Variants in DRD2 observed in about 807,000 individuals in gnomAD.
The protein encoded by DRD2 is dopamine receptor D2.
A neutral mutation model predicts 38.0 loss-of-function variants in DRD2; 8 were observed. The observed-to-expected ratio is 0.21, with a 90% CI of 0.12 to 0.38. The LOEUF (loss-of-function observed/expected upper bound fraction) is 0.38. Ranked by LOEUF, DRD2 falls within the 10% of genes least tolerant of loss-of-function variation. The pLI is 1.00. For synonymous variants in DRD2, 230 were observed against 238.6 expected (o/e 0.96, Z 0.33); for missense variants, 403 against 607.7 (o/e 0.66, Z 3.54).
chr11:113,418,127 C>T lies in DRD2; in HGVS notation c.295G>A (p.Glu99Lys), dbSNP rs199765712. Reference sequence around the variant, plus strand: ...CAGTGAATCCTGCTGAATTTCCACTCACCTACCACCTGGGGACAAAGCAAC... The same window carrying T: ...CAGTGAATCCTGCTGAATTTCCACTTACCTACCACCTGGGGACAAAGCAAC... ...PWVVYLEVVG[E>K]WKFSRIHCDI... Residue 99 changes from glutamate to lysine, a missense_variant, in exon 3 of 8, where the codon GAG becomes AAG. Physicochemically the swap from Glu to Lys is moderately conservative, Grantham distance 56 (BLOSUM62 1). Transcript: ENST00000362072. 53 of 1,613,986 alleles carry T rather than the reference C, an allele frequency of 3.3e-5. No homozygotes were observed. The highest frequency in any genetic ancestry group is 5.0e-5 in the Admixed American group (3 of 60,024).
intron 3 of DRD2, among the ~76,000 whole-genome samples, chr11:113,417,274 T>C (rs1950836909): frequency 6.6e-6 from 1 of 152,210 alleles, no homozygotes; most frequent in Non-Finnish European, 1.5e-5. Flanking sequence ...ATTTCAGGCT[T>C]TTCGAAGAAC....
intron 1 of DRD2, among the ~76,000 whole-genome samples, chr11:113,465,523 A>G (rs1212939987): frequency 6.6e-6 from 1 of 152,054 alleles, no homozygotes; most frequent in Non-Finnish European, 1.5e-5. Flanking sequence ...TTCCCTCAGG[A>G]TGGAATCCAG....
chr11:113,454,346 C>T (rs1398024425), intron 1 of DRD2, among the ~76,000 whole-genome samples: 3 of 151,596 alleles, frequency 2.0e-5, no homozygotes, highest in East Asian at 1.9e-4. Flanking sequence ...AGTGAGACTC[C>T]GTCATGGAAA....
chr11:113,437,207 G>C (rs1951046957), intron 1 of DRD2, among the ~76,000 whole-genome samples: 1 of 152,166 alleles, frequency 6.6e-6, no homozygotes, highest in Non-Finnish European at 1.5e-5. Context: ...TGTGAGATTA[G>C]ATATGATCCC....
At chr11:113,422,026 T>G (rs1014472136) in intron 2 of DRD2, among the ~76,000 whole-genome samples, 1 of 151,956 alleles carries the variant, frequency 6.6e-6, no homozygotes, top group African/African-American at 2.4e-5. Context: ...CTATAGCCCA[T>G]GTATGGATTT....
At chr11:113,472,220 G>T (rs1206347059) in intron 1 of DRD2, among the ~76,000 whole-genome samples, 1 of 152,180 alleles carries the variant, frequency 6.6e-6, no homozygotes, top group Non-Finnish European at 1.5e-5. Context: ...TATCTTCACA[G>T]CCACACTTTT....
chr11:113,411,852 CAG>C (rs1210258136), intron 7 of DRD2: 3 of 152,648 alleles, frequency 2.0e-5, no homozygotes, highest in African/African-American at 7.2e-5. Context: ...TCCTGGAAGA[CAG>C]AGTCACAGGG....
Position 113,459,979 on chromosome 11 carries a change from GC to G in DRD2, c.-32+15096del, listed in dbSNP as rs555438542. Among the ~76,000 whole-genome samples the G allele has an allele frequency of 1.5e-3, 228 of 152,304 alleles. 2 individuals carry two copies. The highest frequency in any genetic ancestry group is 3.4e-3 in the Middle Eastern group (1 of 292). On this transcript the variant is annotated intron_variant, in intron 1 of 7. Transcript: ENST00000362072. ...AATCTTCAAAGAAACTGGGCAGTGG[GC>G]CCCAAGGAATAGTGCTGTGGGTCTG...
chr11:113,454,200 T>C (rs906799221), intron 1 of DRD2, among the ~76,000 whole-genome samples: 4 of 152,106 alleles, frequency 2.6e-5, no homozygotes, highest in African/African-American at 4.8e-5. Flanking sequence ...TGTTAAAATA[T>C]TTACCAGCGG....
At chr11:113,414,198 G>C (rs755371843) in intron 6 of DRD2, 177 bp downstream of exon 6, 2 of 734,472 alleles carry the variant, frequency 2.7e-6, no homozygotes, top group Non-Finnish European at 5.1e-6. Context: ...GAACCGAGGT[G>C]TCTCACTTCA....
chr11:113,436,610 A>C (rs534864042), intron 1 of DRD2, among the ~76,000 whole-genome samples: 2 of 152,288 alleles, frequency 1.3e-5, no homozygotes, highest in Admixed American at 1.3e-4. Flanking sequence ...GAATTATATG[A>C]AAATAGCATA....
chr11:113,467,965 A>G (rs1565681016), intron 1 of DRD2, among the ~76,000 whole-genome samples: 1 of 152,238 alleles, frequency 6.6e-6, no homozygotes, highest in Non-Finnish European at 1.5e-5. Flanking sequence ...ATGATTTCAG[A>G]AATGTAAAAT....
At chr11:113,412,958 T>C in intron 6 of DRD2, 75 bp from the exon 7 acceptor site, 3 of 1,486,304 alleles carry the variant, frequency 2.0e-6, no homozygotes, top group Admixed American at 2.0e-5. Flanking sequence ...CACTGGCCCC[T>C]CCCTTTCCCC....
At chr11:113,442,489 A>T (rs985321746) in intron 1 of DRD2, among the ~76,000 whole-genome samples, 1 of 152,136 alleles carries the variant, frequency 6.6e-6, no homozygotes, top group Non-Finnish European at 1.5e-5. Context: ...GAGGCTAAGG[A>T]GGCTTGAGGC....
At chr11:113,452,003 C>T (rs1951214041) in intron 1 of DRD2, among the ~76,000 whole-genome samples, 1 of 152,104 alleles carries the variant, frequency 6.6e-6, no homozygotes. Flanking sequence ...CTCCTCTGGC[C>T]CCCTCCAGCC....
At chr11:113,463,753 T>C (rs973658303) in intron 1 of DRD2, among the ~76,000 whole-genome samples, 2 of 152,078 alleles carry the variant, frequency 1.3e-5, no homozygotes, top group African/African-American at 2.4e-5. Flanking sequence ...GAATTTACCA[T>C]CTAGGGAAGG....
intron 1 of DRD2, among the ~76,000 whole-genome samples, chr11:113,437,053 T>C (rs1452325122): frequency 6.6e-6 from 1 of 152,134 alleles, no homozygotes; most frequent in Admixed American, 6.6e-5. Context: ...TCACAGCAGG[T>C]GGCGGCTCAG....
At chr11:113,424,893 T>C (rs1950925238) in intron 1 of DRD2, 5 of 576,296 alleles carry the variant, frequency 8.7e-6, no homozygotes, top group Non-Finnish European at 1.5e-5. Flanking sequence ...GCAAACACAA[T>C]TTTTTAAAAA....
At chr11:113,434,385 C>T (rs1166772216) in intron 1 of DRD2, among the ~76,000 whole-genome samples, 1 of 152,176 alleles carries the variant, frequency 6.6e-6, no homozygotes, top group African/African-American at 2.4e-5. Flanking sequence ...AGGTCTTTTC[C>T]TACCCTGCAG....
Sources: allele counts gnomAD v4.1 joint callset (sites outside exome capture counted in the v4.1 genomes callset), GRCh38; gene constraint gnomAD v4.1.1; transcripts MANE v1.5; gene names NCBI Gene and HGNC (gene_info 2026-07-23, HGNC 2026-07-21).